ERICH6B: variants seen among roughly 807,000 people sequenced by gnomAD.
The protein encoded by ERICH6B is glutamate rich 6B.
In ERICH6B, 69 loss-of-function variants were observed where a neutral mutation model predicts 80.0. The observed-to-expected ratio is 0.86, with a 90% CI of 0.71 to 1.05. The LOEUF is 1.05. Ranked by LOEUF, ERICH6B falls within the 50% of genes least tolerant of loss-of-function variation. The probability of loss-of-function intolerance (pLI) is 0.00; values close to 1 mark genes in which losing one functional copy is unlikely to be tolerated. For missense variants in ERICH6B, 754 were observed against 796.1 expected (o/e 0.95, Z 0.64); for synonymous variants, 283 against 291.9 (o/e 0.97, Z 0.31).
intron 13 of ERICH6B, among the ~76,000 whole-genome samples, chr13:45,545,331 C>T (rs528212609): frequency 6.6e-6 from 1 of 152,218 alleles, no homozygotes; most frequent in African/African-American, 2.4e-5. Flanking sequence ...TCAGCTTAGA[C>T]GTCACCTCCT....
rs148197616 is a variant in ERICH6B at position 45,570,025 on chromosome 13, G to T, written c.1051-1574C>A. ...TCCAGAAAACAGAATGTCTGTTGTG[G>T]TCTGCTGGATGGCCGACCACCTGGG... On this transcript the variant is annotated intron_variant, in intron 8 of 14. Coordinates refer to ENST00000298738, the MANE Select transcript of ERICH6B (RefSeq NM_182542.3). Among the ~76,000 whole-genome samples, 1,131 of 152,266 alleles carry T rather than the reference G, an allele frequency of 7.4e-3. 14 individuals carry two copies. The highest frequency in any genetic ancestry group is 0.025 in the African/African-American group (1,055 of 41,540).
Position 45,587,096 on chromosome 13 carries a change from T to C in ERICH6B, c.823A>G (p.Ser275Gly). 1 of 1,551,738 alleles carries C rather than the reference T, an allele frequency of 6.4e-7. No individual in the cohort carries two copies. Among genetic ancestry groups the C allele is most frequent in the Non-Finnish European group, 8.7e-7 (1 of 1,146,992 alleles). Residue 275 changes from serine (S) to glycine (G), a missense_variant, in exon 5 of 15, where the codon AGT becomes GGT. Ser to Gly is a moderately conservative substitution (Grantham distance 56, BLOSUM62 0). Coordinates refer to ENST00000298738, the MANE Select transcript of ERICH6B (RefSeq NM_182542.3). ...LLTLYRRSQASQTDWCYDRTA... is the reference protein window; with the variant it reads ...LLTLYRRSQAGQTDWCYDRTA... The stretch of plus-strand genomic sequence containing the variant: ...CTGTCGTAGCACCAGTCTGTCTGAC[T>C]GGCCTGGCTCCTCCTGTACAATGTC...
intron 3 of ERICH6B, among the ~76,000 whole-genome samples, chr13:45,595,111 T>C (rs1876308496): frequency 2.0e-5 from 3 of 152,146 alleles, no homozygotes; most frequent in Non-Finnish European, 4.4e-5. Context: ...AATGATTCCT[T>C]TAAGGGGGCC....
chr13:45,579,829 G>T, intron 7 of ERICH6B, 104 bp downstream of exon 7: 2 of 1,143,668 alleles, frequency 1.7e-6, no homozygotes, highest in Non-Finnish European at 2.6e-6. Flanking sequence ...TGGGCCCTGG[G>T]TCATGCTGGA....
In ERICH6B at chr13:45,580,675, G is replaced by A. The variant is rs1162926268; in HGVS notation, c.857-10C>T. 1.4e-5 allele frequency: 21 copies of A among 1,551,280 alleles called. No individual in the cohort carries two copies. Among genetic ancestry groups the A allele is most frequent in the Non-Finnish European group, 1.8e-5 (21 of 1,146,808 alleles). On this transcript the variant is annotated splice_polypyrimidine_tract_variant and intron_variant, in intron 5 of 14. Transcript: ENST00000298738. ...GATTTTAAAGATTTTACTGTTAAAA[G>A]GCAGAAGAGGGTGGCTATTAATGAT...
chr13:45,551,958 C>T (rs949537208), intron 11 of ERICH6B, among the ~76,000 whole-genome samples: 4 of 152,186 alleles, frequency 2.6e-5, no homozygotes, highest in African/African-American at 9.7e-5. Context: ...TTCCCTGTTA[C>T]AGCAGCACAA....
At chr13:45,578,547 AG>A (rs1875520507) in intron 7 of ERICH6B, among the ~76,000 whole-genome samples, 1 of 152,250 alleles carries the variant, frequency 6.6e-6, no homozygotes, top group Non-Finnish European at 1.5e-5. Context: ...CTAGCTCCAA[AG>A]CGAGCAACCC....
At chr13:45,607,526 A>G (rs2138037879) in intron 2 of ERICH6B, 38 bp downstream of exon 2, 1 of 152,498 alleles carries the variant, frequency 6.6e-6, no homozygotes, top group East Asian at 1.9e-4. Flanking sequence ...AAGACATGGG[A>G]CAATGGAGCC....
intron 11 of ERICH6B, among the ~76,000 whole-genome samples, chr13:45,554,881 G>A (rs1874372078): frequency 6.6e-6 from 1 of 152,198 alleles, no homozygotes; most frequent in African/African-American, 2.4e-5. Flanking sequence ...CACAGAAGGT[G>A]TGCACTCAGC....
intron 7 of ERICH6B, among the ~76,000 whole-genome samples, chr13:45,578,427 A>G (rs1330889840): frequency 2.6e-5 from 4 of 152,218 alleles, no homozygotes; most frequent in Non-Finnish European, 4.4e-5. Context: ...AATAAAGTCT[A>G]CTTACTCTTA....
rs1168984286 is a variant in ERICH6B, at chr13:45,561,420, A to G, written c.1356T>C (p.His452=). The G allele has an allele frequency of 7.1e-6, 11 of 1,552,236 alleles. No homozygotes were observed. The Admixed American group carries it at 1.2e-4, about 17-fold the overall frequency. Residue 452 remains histidine, a synonymous_variant, in exon 11 of 15, where the codon CAT becomes CAC. Transcript: ENST00000298738. Reference sequence around the variant, plus strand: ...TATCTCGTTCTAATTTCTTCCTATGATGAACAACACGTTGAGGCTTTTGGA... The same window carrying G: ...TATCTCGTTCTAATTTCTTCCTATGGTGAACAACACGTTGAGGCTTTTGGA... ...EEIQKPQRVV[H]HRKKLERDKE... is the part of the protein sequence containing the mutation.
chr13:45,603,123 A>C (rs962208305), intron 2 of ERICH6B, among the ~76,000 whole-genome samples: 2 of 152,156 alleles, frequency 1.3e-5, no homozygotes, highest in Admixed American at 6.5e-5. Context: ...CTAGGGCAGG[A>C]GAAGATGGAT....
At chr13:45,556,241 T>C (rs1566287468) in intron 11 of ERICH6B, among the ~76,000 whole-genome samples, 1 of 151,976 alleles carries the variant, frequency 6.6e-6, no homozygotes, top group Non-Finnish European at 1.5e-5. Flanking sequence ...CTGTGTCTCA[T>C]TTGCCTCTGT....
At chr13:45,559,841 T>G (rs1874593623) in intron 11 of ERICH6B, among the ~76,000 whole-genome samples, 1 of 152,246 alleles carries the variant, frequency 6.6e-6, no homozygotes, top group Non-Finnish European at 1.5e-5. Context: ...GAAAGTTCCA[T>G]GCACTGATGA....
chr13:45,552,545 T>G (rs1266344360), intron 11 of ERICH6B, among the ~76,000 whole-genome samples: 1 of 151,440 alleles, frequency 6.6e-6, no homozygotes, highest in East Asian at 1.9e-4. Flanking sequence ...TATCCCACAT[T>G]AACTTAACTA....
At chr13:45,562,649 C>G (rs982903288) in intron 10 of ERICH6B, among the ~76,000 whole-genome samples, 1 of 152,114 alleles carries the variant, frequency 6.6e-6, no homozygotes, top group African/African-American at 2.4e-5. Context: ...TCAATACAGG[C>G]TTCCATGAGA....
intron 5 of ERICH6B, among the ~76,000 whole-genome samples, chr13:45,582,862 C>G (rs987161462): frequency 6.6e-6 from 1 of 152,148 alleles, no homozygotes; most frequent in African/African-American, 2.4e-5. Flanking sequence ...ATAACCTTGT[C>G]AAAAAGTGAC....
chr13:45,568,892 G>A (rs543510306), intron 8 of ERICH6B, among the ~76,000 whole-genome samples: 1 of 152,162 alleles, frequency 6.6e-6, no homozygotes, highest in South Asian at 2.1e-4. Flanking sequence ...AATCTTTGGA[G>A]AACATACAAT....
chr13:45,555,871 T>C (rs947953346), intron 11 of ERICH6B, among the ~76,000 whole-genome samples: 1 of 151,478 alleles, frequency 6.6e-6, no homozygotes, highest in Non-Finnish European at 1.5e-5. Context: ...GTGGCTCTAT[T>C]TGACTTGGGC....
Sources: gnomAD v4.1 joint callset for allele counts (sites outside exome capture counted in the v4.1 genomes callset) on GRCh38, gnomAD v4.1.1 for gene constraint, MANE v1.5 for transcripts, NCBI Gene and HGNC (gene_info 2026-07-23, HGNC 2026-07-21) for gene names.